Variants in TFEC observed in about 807,000 individuals in gnomAD.
TFEC encodes the protein transcription factor EC.
In TFEC, 31 loss-of-function variants were observed where a neutral mutation model predicts 41.6. That is an observed-to-expected ratio of 0.74 (90% CI 0.56 to 1.01). The LOEUF is 1.01. Among genes scored for constraint, TFEC ranks in the 50% least tolerant of loss-of-function variants. TFEC has a pLI of 0.00. For missense variants in TFEC, 402 were observed against 404.1 expected, an observed-to-expected ratio of 0.99 and a Z score of 0.04; for synonymous variants, 143 against 140.6, an observed-to-expected ratio of 1.02 and a Z score of -0.12.
chr7:115,963,005 C>T (rs1792645094), intron 3 of TFEC, among the ~76,000 whole-genome samples: 1 of 151,538 alleles, frequency 6.6e-6, no homozygotes, highest in East Asian at 2.0e-4. Flanking sequence ...TCCCCCAGTC[C>T]CCCTCTCCCC....
chr7:115,964,283 G>A (rs1792729371), intron 3 of TFEC, among the ~76,000 whole-genome samples: 1 of 151,552 alleles, frequency 6.6e-6, no homozygotes, highest in African/African-American at 2.4e-5. Flanking sequence ...GAAAAAATCT[G>A]AACTAGATAC....
intron 3 of TFEC, among the ~76,000 whole-genome samples, chr7:115,962,668 A>G (rs1792621646): frequency 6.6e-6 from 1 of 151,840 alleles, no homozygotes; most frequent in East Asian, 1.9e-4. Flanking sequence ...TGTTTACCTA[A>G]CACCACATAC....
At chr7:116,075,040 A>C (rs10953804) in intron 3 of TFEC, among the ~76,000 whole-genome samples, 25,501 of 152,144 alleles carry the variant, frequency 0.17, 2,264 homozygotes, top group East Asian at 0.36. Context: ...TGGGGAAATG[A>C]GGGTAATAGA....
At chr7:115,961,539 A>G (rs993636188) in intron 3 of TFEC, among the ~76,000 whole-genome samples, 1 of 151,660 alleles carries the variant, frequency 6.6e-6, no homozygotes, top group African/African-American at 2.4e-5. Flanking sequence ...AAACTAGAAT[A>G]GATAATATAA....
chr7:115,993,405 G>A (rs1794214949), intron 1 of TFEC, among the ~76,000 whole-genome samples: 1 of 152,156 alleles, frequency 6.6e-6, no homozygotes, highest in African/African-American at 2.4e-5. Flanking sequence ...TAGGAAAAGA[G>A]GAAGTCAAAT....
chr7:116,105,022 A>C (rs933379771), intron 3 of TFEC, among the ~76,000 whole-genome samples: 4 of 152,148 alleles, frequency 2.6e-5, no homozygotes, highest in Non-Finnish European at 5.9e-5. Context: ...TCCTCTATAT[A>C]CATCTCTTGG....
intron 3 of TFEC, among the ~76,000 whole-genome samples, chr7:116,044,040 A>G (rs1251804094): frequency 6.6e-6 from 1 of 152,214 alleles, no homozygotes; most frequent in Non-Finnish European, 1.5e-5. Flanking sequence ...AAAAATAAGA[A>G]AGTAATCTAC....
intron 3 of TFEC, among the ~76,000 whole-genome samples, chr7:115,960,387 A>G (rs1792476310): frequency 6.6e-6 from 1 of 151,682 alleles, no homozygotes; most frequent in South Asian, 2.1e-4. Context: ...CACTGGAAAA[A>G]GTTGGGGTGA....
At position 116,053,913 on chromosome 7, in the gene TFEC, C is replaced by T. The variant is rs150219750; in HGVS notation, c.198+56795G>A. Among the ~76,000 whole-genome samples the T allele has an allele frequency of 2.6e-4, 39 of 152,220 alleles. No homozygotes were observed. The East Asian group carries it at 7.1e-3, about 28-fold the overall frequency. On this transcript the variant is annotated intron_variant, in intron 3 of 8. Coordinates refer to the TFEC transcript ENST00000484212. Reference sequence around the variant, plus strand: ...ATGCATACTGTGTACCAGAAAGGAGCCATTCTAAGTATCTTATATAAATTA... The same window carrying T: ...ATGCATACTGTGTACCAGAAAGGAGTCATTCTAAGTATCTTATATAAATTA...
intron 1 of TFEC, among the ~76,000 whole-genome samples, chr7:116,001,581 G>A (rs1384400978): frequency 6.6e-6 from 1 of 151,586 alleles, no homozygotes; most frequent in African/African-American, 2.4e-5. Flanking sequence ...CAGGACATTG[G>A]ACTGGGCAGT....
At chr7:115,987,911 C>G (rs1050674230) in intron 1 of TFEC, among the ~76,000 whole-genome samples, 2 of 152,060 alleles carry the variant, frequency 1.3e-5, no homozygotes, top group Non-Finnish European at 2.9e-5. Context: ...GAGGTCAGAG[C>G]AGCTACAGAT....
At chr7:116,157,641 C>T (rs985815931) in intron 1 of TFEC, among the ~76,000 whole-genome samples, 34 of 152,136 alleles carry the variant, frequency 2.2e-4, no homozygotes, top group Admixed American at 1.4e-3. Context: ...GACTAGGAGA[C>T]GAACAGATGC....
chr7:116,091,623 C>T lies in TFEC; in HGVS notation c.198+19085G>A, dbSNP rs1412675186. ...CTATATAAACAAAGATATTTGGCTT[C>T]CAAATAGATGTCAAAATTGAGTCAA... On this transcript the variant is annotated intron_variant, in intron 3 of 8. Transcript: ENST00000484212. Among the ~76,000 whole-genome samples the T allele has an allele frequency of 3.3e-5, 5 of 152,026 alleles. No individual in the cohort carries two copies. In the South Asian group the frequency reaches 6.2e-4, roughly 19 times the overall value.
At chr7:115,946,671 CTTTTCTTTTCTT>C (rs1354337380) in intron 6 of TFEC, among the ~76,000 whole-genome samples, 3 of 139,384 alleles carry the variant, frequency 2.2e-5, no homozygotes, top group Non-Finnish European at 3.1e-5. Flanking sequence ...TTCCTTCCTT[CTTTTCTTTTCTT>C]TTTTCTTTTC....
At chr7:116,000,256 T>C (rs1794537598) in intron 1 of TFEC, among the ~76,000 whole-genome samples, 1 of 152,090 alleles carries the variant, frequency 6.6e-6, no homozygotes, top group Non-Finnish European at 1.5e-5. Flanking sequence ...TTTGATAATA[T>C]TGAACACTTC....
chr7:116,111,424 T>C (rs902995458), intron 2 of TFEC, among the ~76,000 whole-genome samples: 1 of 152,078 alleles, frequency 6.6e-6, no homozygotes, highest in Non-Finnish European at 1.5e-5. Flanking sequence ...AGTGCCTTAG[T>C]GTATTTAAGT....
At chr7:115,992,159 G>A (rs1794148466) in intron 1 of TFEC, among the ~76,000 whole-genome samples, 1 of 152,164 alleles carries the variant, frequency 6.6e-6, no homozygotes. Flanking sequence ...TGAAACCAAT[G>A]AGAACAAAGA....
rs1263604974 is a variant in TFEC at position 115,936,886 on chromosome 7, C to T, written c.*3665G>A. 1 of 151,380 alleles carries T rather than the reference C, an allele frequency of 6.6e-6. No homozygotes were observed. The highest frequency in any genetic ancestry group is 2.4e-5 in the African/African-American group (1 of 41,310). The allele number at this position is 151,380 out of a possible 1,614,324, so 9.4% of individuals were successfully genotyped here. On this transcript the variant is annotated 3_prime_UTR_variant, in exon 8 of 8. Coordinates refer to ENST00000265440, the MANE Select transcript of TFEC (RefSeq NM_012252.4). ...TCATCTGGCTATTTATTATTTAGGG[C>T]TTTTTTAAAAACCTATATAAAGAAA...
intron 3 of TFEC, among the ~76,000 whole-genome samples, chr7:116,071,353 A>G (rs1796823406): frequency 6.6e-6 from 1 of 151,080 alleles, no homozygotes; most frequent in African/African-American, 2.4e-5. Flanking sequence ...TAGAGTTAAA[A>G]AAAAAAAACC....
Sources: allele counts gnomAD v4.1 joint callset (sites outside exome capture counted in the v4.1 genomes callset), GRCh38; gene constraint gnomAD v4.1.1; transcripts MANE v1.5; gene names NCBI Gene and HGNC (gene_info 2026-07-23, HGNC 2026-07-21).